Variants in ABI3BP observed in about 807,000 individuals in gnomAD.
ABI3BP encodes target of Nesh-SH3.
A neutral mutation model predicts 268.6 loss-of-function variants in ABI3BP; 216 were observed. The observed-to-expected ratio is 0.80, with a 90% CI of 0.72 to 0.90. The LOEUF is 0.90. Ranked by LOEUF, ABI3BP falls within the 40% of genes least tolerant of loss-of-function variation. The probability of loss-of-function intolerance (pLI) is 0.00; values close to 1 mark genes in which losing one functional copy is unlikely to be tolerated. For synonymous variants in ABI3BP, 730 were observed against 730.0 expected (o/e 1.00, Z 0.00); for missense variants, 2,090 against 2,182.4 (o/e 0.96, Z 0.84).
chr3:100,833,224 T>A, intron 29 of ABI3BP, 67 bp from the exon 30 acceptor site: 1 of 1,410,866 alleles, frequency 7.1e-7, no homozygotes, highest in Non-Finnish European at 9.6e-7. Flanking sequence ...AGAAAAGCCA[T>A]CATTCTCTTG....
chr3:100,898,979 G>T, intron 3 of ABI3BP, 85 bp from the exon 4 acceptor site: 4 of 1,393,366 alleles, frequency 2.9e-6, no homozygotes, highest in Non-Finnish European at 3.9e-6. Context: ...AAGATGACTT[G>T]GCAAGATGAT....
chr3:100,784,823 G>A (rs2150437583), intron 57 of ABI3BP, among the ~76,000 whole-genome samples: 1 of 152,216 alleles, frequency 6.6e-6, no homozygotes, highest in Admixed American at 6.5e-5. Flanking sequence ...AAAGTGGGAG[G>A]TAAGCTGTAA....
chr3:100,969,639 T>C (rs976041747), intron 1 of ABI3BP, among the ~76,000 whole-genome samples: 4 of 152,164 alleles, frequency 2.6e-5, no homozygotes, highest in African/African-American at 7.2e-5. Flanking sequence ...TCTCGAGGCA[T>C]AGCTCTAAAC....
chr3:100,834,861 C>G, intron 28 of ABI3BP, 88 bp from the exon 29 acceptor site: 2 of 1,261,244 alleles, frequency 1.6e-6, no homozygotes, highest in South Asian at 2.9e-5. Flanking sequence ...CTAAAGTTTT[C>G]CTAAGTCTTG....
At chr3:100,862,254 T>C (rs1006945091) in intron 14 of ABI3BP, 57 bp downstream of exon 14, 3 of 1,162,592 alleles carry the variant, frequency 2.6e-6, no homozygotes, top group African/African-American at 3.1e-5. Flanking sequence ...ATAAAAACAA[T>C]AAGTTACTCA....
intron 39 of ABI3BP, 49 bp downstream of exon 39, chr3:100,821,005 T>G: frequency 6.9e-7 from 1 of 1,455,648 alleles, no homozygotes; most frequent in Non-Finnish European, 9.3e-7. Context: ...GGAATGGGTT[T>G]GACGATGAGA....
At chr3:100,780,617 A>C (rs1266560448) in intron 57 of ABI3BP, among the ~76,000 whole-genome samples, 1 of 152,118 alleles carries the variant, frequency 6.6e-6, no homozygotes, top group Admixed American at 6.6e-5. Flanking sequence ...AAAAAAACCC[A>C]CACACATACA....
chr3:100,849,361 C>T (rs540937405), intron 17 of ABI3BP, among the ~76,000 whole-genome samples: 43 of 151,448 alleles, frequency 2.8e-4, no homozygotes, highest in Non-Finnish European at 5.2e-4. Flanking sequence ...GTAGCTGGGA[C>T]TACAGGCATG....
intron 66 of ABI3BP, 45 bp from the exon 67 acceptor site, chr3:100,751,719 T>G: frequency 3.9e-6 from 6 of 1,521,952 alleles, no homozygotes; most frequent in Non-Finnish European, 5.3e-6. Flanking sequence ...TTTCTTACTT[T>G]GAAATGTGAC....
chr3:100,819,555 G>C (rs2098143956), intron 40 of ABI3BP, among the ~76,000 whole-genome samples: 1 of 152,152 alleles, frequency 6.6e-6, no homozygotes, highest in Non-Finnish European at 1.5e-5. Flanking sequence ...TGATGTGGCT[G>C]TGGGAAGATA....
At chr3:100,770,986 T>C in intron 61 of ABI3BP, 34 bp from the exon 62 acceptor site, 1 of 1,453,062 alleles carries the variant, frequency 6.9e-7, no homozygotes, top group Non-Finnish European at 9.2e-7. Context: ...ATTTAACATT[T>C]TTGAAACTCA....
intron 2 of ABI3BP, among the ~76,000 whole-genome samples, chr3:100,909,262 G>A (rs952187371): frequency 4.6e-5 from 7 of 152,174 alleles, no homozygotes; most frequent in African/African-American, 1.7e-4. Flanking sequence ...ATTAACTCAA[G>A]ATGGATTAAA....
At chr3:100,921,401 G>A (rs752737586) in intron 2 of ABI3BP, among the ~76,000 whole-genome samples, 4 of 151,984 alleles carry the variant, frequency 2.6e-5, no homozygotes, top group Non-Finnish European at 5.9e-5. Flanking sequence ...AAAGGTCAAC[G>A]CTGAGAAAGT....
intron 55 of ABI3BP, 114 bp from the exon 56 acceptor site, chr3:100,789,630 G>A: frequency 7.0e-6 from 7 of 994,146 alleles, no homozygotes; most frequent in East Asian, 2.7e-5. Context: ...GTATAAAGAA[G>A]GTTCAGAAAA....
At chr3:100,850,922 A>C (rs997944237) in intron 15 of ABI3BP, among the ~76,000 whole-genome samples, 188 bp from the exon 16 acceptor site, 1 of 152,200 alleles carries the variant, frequency 6.6e-6, no homozygotes, top group African/African-American at 2.4e-5. Flanking sequence ...AAAAACATAC[A>C]TACTTTAAAT....
chr3:100,820,483 G>A lies in ABI3BP; in HGVS notation c.2948-180C>T, dbSNP rs552183937. ...ACAATTGAAGAAAGTTGATTGGGAG[G>A]AAGTGTCACATTCTAAAATGAAATT... On this transcript the variant is annotated intron_variant, in intron 39 of 67. Coordinates refer to ENST00000471714, the MANE Select transcript of ABI3BP (RefSeq NM_001375547.2). 3.5e-5 allele frequency among the ~76,000 whole-genome samples: 5 copies of A among 141,378 alleles called. No individual in the cohort carries two copies. The South Asian group carries it at 1.2e-3, about 35-fold the overall frequency. The allele number at this position is 141,378 out of a possible 152,430, so 92.7% of individuals were successfully genotyped here. A position where few individuals can be genotyped will look rare whatever the true frequency, so the allele number is the denominator to read the frequency against.
rs1182332988 is a variant in ABI3BP at position 100,923,457 on chromosome 3, A to T, written c.259+2845T>A. ...AGTTAACCAAAGTAAATAATCGAGC[A>T]TATTTAAGCTAGACTGAAAGAATCA... On this transcript the variant is annotated intron_variant, in intron 2 of 67. Transcript: ENST00000471714. Among the ~76,000 whole-genome samples, 3 of 152,216 alleles carry T rather than the reference A, an allele frequency of 2.0e-5. No homozygotes were observed. The East Asian group carries it at 5.8e-4, about 29-fold the overall frequency.
intron 1 of ABI3BP, among the ~76,000 whole-genome samples, chr3:100,949,138 A>G (rs1216334222): frequency 1.3e-5 from 2 of 152,150 alleles, no homozygotes; most frequent in Non-Finnish European, 2.9e-5. Flanking sequence ...TAATGACACT[A>G]CTGTCTTTCA....
At chr3:100,776,440 A>G (rs2096708197) in intron 59 of ABI3BP, among the ~76,000 whole-genome samples, 1 of 152,252 alleles carries the variant, frequency 6.6e-6, no homozygotes, top group Admixed American at 6.5e-5. Context: ...GGCATAGCAT[A>G]GCATTTTCAT....
Sources: allele counts gnomAD v4.1 joint callset (sites outside exome capture counted in the v4.1 genomes callset), GRCh38; gene constraint gnomAD v4.1.1; transcripts MANE v1.5; gene names NCBI Gene and HGNC (gene_info 2026-07-23, HGNC 2026-07-21).